The following MICAL2 variants were observed in gnomAD, a reference collection of about 807,000 sequenced individuals.
MICAL2 encodes microtubule associated monooxygenase, calponin and LIM domain containing 2, also known as [F-actin]-monooxygenase MICAL2.
A neutral mutation model predicts 127.3 loss-of-function variants in MICAL2; 77 were observed. The observed-to-expected ratio is 0.60, with a 90% confidence interval of 0.50 to 0.73. The LOEUF (loss-of-function observed/expected upper bound fraction) is 0.73, where lower values mean the gene tolerates loss of function less well. Among genes scored for constraint, MICAL2 ranks in the 30% least tolerant of loss-of-function variants. The probability of loss-of-function intolerance (pLI) is 0.00; values close to 1 mark genes in which losing one functional copy is unlikely to be tolerated. For missense variants in MICAL2, 1,351 were observed against 1,434.4 expected (o/e 0.94, Z 0.94); for synonymous variants, 570 against 551.1 (o/e 1.03, Z -0.48).
intron 22 of MICAL2, among the ~76,000 whole-genome samples, chr11:12,249,469 C>T (rs1861240562): frequency 6.6e-6 from 1 of 152,220 alleles, no homozygotes; most frequent in Non-Finnish European, 1.5e-5. Flanking sequence ...CACCCTTGAA[C>T]ACAGTGATTT....
chr11:12,336,752 T>C (rs10831791), intron 32 of MICAL2, among the ~76,000 whole-genome samples: 103,949 of 151,558 alleles, frequency 0.69, 36,070 homozygotes, highest in Middle Eastern at 0.74. Context: ...TGCTGGATTA[T>C]GTTTATTGAT....
chr11:12,331,535 G>A (rs942523070), intron 32 of MICAL2, among the ~76,000 whole-genome samples: 1 of 152,142 alleles, frequency 6.6e-6, no homozygotes, highest in Admixed American at 6.5e-5. Context: ...CAGGACCGGG[G>A]AGGTAGCTGA....
At chr11:12,249,631 G>A (rs553446502) in intron 22 of MICAL2, among the ~76,000 whole-genome samples, 3 of 152,298 alleles carry the variant, frequency 2.0e-5, no homozygotes, top group African/African-American at 7.2e-5. Flanking sequence ...CTAGCCCTAC[G>A]TGTCAAAAGC....
intron 8 of MICAL2, among the ~76,000 whole-genome samples, chr11:12,218,634 CAG>C (rs1244055604): frequency 6.6e-6 from 1 of 152,140 alleles, no homozygotes; most frequent in African/African-American, 2.4e-5. Flanking sequence ...ACCGCGGAAA[CAG>C]GGATCAGAAA....
At chr11:12,177,412 T>C (rs1856955194) in intron 3 of MICAL2, among the ~76,000 whole-genome samples, 1 of 152,240 alleles carries the variant, frequency 6.6e-6, no homozygotes, top group African/African-American at 2.4e-5. Flanking sequence ...TTGCCAGATA[T>C]GGGATTTGGA....
At chr11:12,204,650 T>A (rs1390932598) in intron 4 of MICAL2, among the ~76,000 whole-genome samples, 193 bp downstream of exon 4, 1 of 152,234 alleles carries the variant, frequency 6.6e-6, no homozygotes, top group Non-Finnish European at 1.5e-5. Context: ...CCCAGTGGAC[T>A]GTAAGCACCA....
At chr11:12,331,507 T>C (rs879685925) in intron 32 of MICAL2, among the ~76,000 whole-genome samples, 3 of 152,086 alleles carry the variant, frequency 2.0e-5, no homozygotes, top group Non-Finnish European at 4.4e-5. Context: ...ATGTGAGAAA[T>C]GCTAGCGAAA....
In MICAL2 at chr11:12,168,599, T is replaced by C. The variant is rs551340225; in HGVS notation, c.264+6180T>C. 2.6e-5 allele frequency among the ~76,000 whole-genome samples: 4 copies of C among 151,834 alleles called. No individual in the cohort carries two copies. In the South Asian group the frequency reaches 6.2e-4, roughly 24 times the overall value. ...TTAAATATGTATATATAAATATATA[T>C]TTCTGCCCCCATACTTATCTATATA... On this transcript the variant is annotated intron_variant, in intron 3 of 27. Coordinates refer to ENST00000683283, the MANE Select transcript of MICAL2 (RefSeq NM_001282663.2).
chr11:12,210,193 T>G (rs1444441091), intron 6 of MICAL2, among the ~76,000 whole-genome samples: 2 of 152,120 alleles, frequency 1.3e-5, no homozygotes, highest in African/African-American at 4.8e-5. Context: ...GCATAGTATC[T>G]TTCGTGGGGT....
intron 3 of MICAL2, among the ~76,000 whole-genome samples, chr11:12,163,009 C>T (rs902249530): frequency 6.6e-6 from 1 of 152,196 alleles, no homozygotes; most frequent in East Asian, 1.9e-4. Context: ...TAGGTCCTTA[C>T]TGCCTCTTCC....
intron 30 of MICAL2, chr11:12,319,937 G>T: frequency 1.5e-6 from 1 of 670,908 alleles, no homozygotes; most frequent in Non-Finnish European, 2.6e-6. Context: ...CATTGCATCT[G>T]ACAGAGTGCT....
intron 7 of MICAL2, among the ~76,000 whole-genome samples, chr11:12,214,678 C>A (rs1855928311): frequency 6.6e-6 from 1 of 152,134 alleles, no homozygotes; most frequent in Non-Finnish European, 1.5e-5. Context: ...ATTTAAAATT[C>A]AAATTTCAGC....
chr11:12,177,153 C>T (rs1856931332), intron 3 of MICAL2, among the ~76,000 whole-genome samples: 1 of 152,162 alleles, frequency 6.6e-6, no homozygotes. Flanking sequence ...TTCTCCACAT[C>T]CTCATCATAC....
intron 3 of MICAL2, among the ~76,000 whole-genome samples, chr11:12,178,989 A>G (rs557428750): frequency 1.3e-3 from 205 of 152,158 alleles, no homozygotes; most frequent in Non-Finnish European, 2.0e-3. Context: ...TTCTTACCCA[A>G]GTGATCACAC....
At chr11:12,262,420 C>T in intron 26 of MICAL2, 60 bp from the exon 27 acceptor site, 2 of 1,604,244 alleles carry the variant, frequency 1.2e-6, no homozygotes, top group African/African-American at 1.3e-5. Flanking sequence ...CTTTTTTCCC[C>T]ACACTAAGCT....
In MICAL2 at chr11:12,242,772, G is replaced by A. The variant is rs772631135; in HGVS notation, c.2658G>A (p.Gln886=). Residue 886 remains glutamine (Q), a splice_region_variant and synonymous_variant, in exon 20 of 28, where the codon CAG becomes CAA. Transcript: ENST00000683283. ...TGTTTGGACACGGGGATTTCCCGCA[G>A]GTAAACATGGGGCTTTCAGAGCCCC... ...ASMFGHGDFP[Q]NKLLSKGLSH... is the part of the protein sequence containing the mutation. 5 of 1,601,568 alleles carry A rather than the reference G, an allele frequency of 3.1e-6. No individual in the cohort carries two copies. Among genetic ancestry groups the A allele is most frequent in the Non-Finnish European group, 4.3e-6 (5 of 1,175,160 alleles).
At chr11:12,192,953 C>T (rs1023748293) in intron 3 of MICAL2, among the ~76,000 whole-genome samples, 2 of 152,164 alleles carry the variant, frequency 1.3e-5, no homozygotes, top group Admixed American at 6.5e-5. Flanking sequence ...CTTTATTCCT[C>T]TTTTATGGTT....
In MICAL2 at chr11:12,224,800, C is replaced by G. The variant is rs761570564; in HGVS notation, c.1668C>G (p.His556Gln). ...RSGLALCAII[H>Q]RFRPELINFD... ...GGTTGGCCCTGTGTGCCATCATCCA[C>G]CGCTTCCGGCCTGAGCTCATGTGAG... Residue 556 changes from histidine (H) to glutamine (Q), a missense_variant, in exon 13 of 28, where the codon CAC becomes CAG. His to Gln is a conservative substitution (Grantham distance 24). This residue lies in a region of MICAL2 where 599 missense variants were observed against 714.9 expected (regional missense o/e 0.84). Coordinates refer to ENST00000683283, the MANE Select transcript of MICAL2 (RefSeq NM_001282663.2). 6.2e-7 allele frequency: 1 copy of G among 1,613,462 alleles called. No homozygotes were observed.
At chr11:12,261,041 C>A in intron 26 of MICAL2, 18 of 985,552 alleles carry the variant, frequency 1.8e-5, no homozygotes, top group Non-Finnish European at 2.2e-5. Flanking sequence ...TCCCCCAGCC[C>A]GGGCTGCAGG....
Sources: gnomAD v4.1 joint callset for allele counts (sites outside exome capture counted in the v4.1 genomes callset) on GRCh38, gnomAD v4.1.1 for gene constraint, gnomAD v4.1.1 regional missense constraint, MANE v1.5 for transcripts, NCBI Gene and HGNC (gene_info 2026-07-23, HGNC 2026-07-21) for gene names.